Variants in MYO3B observed in about 807,000 individuals in gnomAD.
MYO3B encodes myosin-IIIb.
Under a neutral mutation model 174.6 loss-of-function variants are expected in MYO3B, and 156 were observed. That is an observed-to-expected ratio of 0.89 (90% CI 0.78 to 1.02). The LOEUF (loss-of-function observed/expected upper bound fraction) is 1.02. MYO3B is among the 50% of genes least tolerant of loss of function. The probability of loss-of-function intolerance (pLI) is 0.00; values close to 1 mark genes in which losing one functional copy is unlikely to be tolerated. For missense variants in MYO3B, 1,632 were observed against 1,639.4 expected, an observed-to-expected ratio of 1.00 and a Z score of 0.08; for synonymous variants, 563 against 569.1, an observed-to-expected ratio of 0.99 and a Z score of 0.15.
At chr2:170,587,416 C>T (rs1409763491) in intron 32 of MYO3B, among the ~76,000 whole-genome samples, 1 of 152,146 alleles carries the variant, frequency 6.6e-6, no homozygotes. Context: ...TAAGAGGCCA[C>T]ATTGAGTGAC....
At chr2:170,531,151 A>G (rs945712763) in intron 30 of MYO3B, among the ~76,000 whole-genome samples, 1 of 152,216 alleles carries the variant, frequency 6.6e-6, no homozygotes, top group Non-Finnish European at 1.5e-5. Flanking sequence ...TCAGGCAGGT[A>G]GGATGGTTTC....
At chr2:170,566,178 A>G (rs779450967) in intron 32 of MYO3B, among the ~76,000 whole-genome samples, 1 of 152,230 alleles carries the variant, frequency 6.6e-6, no homozygotes, top group Non-Finnish European at 1.5e-5. Flanking sequence ...AGTAATTCCC[A>G]ACAGATTGTA....
intron 32 of MYO3B, among the ~76,000 whole-genome samples, chr2:170,629,029 G>T (rs139999484): frequency 6.6e-6 from 1 of 152,162 alleles, no homozygotes; most frequent in Non-Finnish European, 1.5e-5. Flanking sequence ...ACCGAAGAAC[G>T]TTAAGGACAG....
intron 25 of MYO3B, among the ~76,000 whole-genome samples, chr2:170,489,770 T>G: frequency 6.6e-6 from 1 of 151,830 alleles, no homozygotes; most frequent in East Asian, 1.9e-4. Context: ...ACTTCAATCT[T>G]TTAAGGCCTT....
chr2:170,374,489 T>C (rs1274092870), intron 9 of MYO3B, among the ~76,000 whole-genome samples: 1 of 152,124 alleles, frequency 6.6e-6, no homozygotes, highest in Non-Finnish European at 1.5e-5. Context: ...AAAGAAATGT[T>C]TTTTAAGTGT....
chr2:170,230,365 T>TTTTTTTTTTTTTTTTTTGGA (rs1559318980), intron 6 of MYO3B, among the ~76,000 whole-genome samples: 12 of 140,766 alleles, frequency 8.5e-5, no homozygotes, highest in African/African-American at 2.9e-4. Context: ...TTTTTTTTAG[T>TTTTTTTTTTTTTTTTTTGGA]AGAGACGGGG....
chr2:170,384,663 T>C (rs1342573944), intron 12 of MYO3B, among the ~76,000 whole-genome samples: 1 of 152,230 alleles, frequency 6.6e-6, no homozygotes, highest in East Asian at 1.9e-4. Context: ...TGTCCATAGA[T>C]TTCATAGGGA....
intron 32 of MYO3B, among the ~76,000 whole-genome samples, chr2:170,561,251 C>CT (rs1691693427): frequency 6.6e-6 from 1 of 152,188 alleles, no homozygotes; most frequent in South Asian, 2.1e-4. Context: ...CTCTCATCTA[C>CT]CACCCTGAGC....
intron 7 of MYO3B, among the ~76,000 whole-genome samples, chr2:170,252,173 C>T (rs1270013147): frequency 6.6e-6 from 1 of 152,218 alleles, no homozygotes; most frequent in East Asian, 1.9e-4. Flanking sequence ...CTGCTGGCTC[C>T]ACCCTTCACC....
chr2:170,574,108 G>A (rs1692637030), intron 32 of MYO3B, among the ~76,000 whole-genome samples: 1 of 152,116 alleles, frequency 6.6e-6, no homozygotes, highest in African/African-American at 2.4e-5. Context: ...GCACTTAATA[G>A]AATGTGCATA....
intron 8 of MYO3B, among the ~76,000 whole-genome samples, chr2:170,357,530 C>G (rs967752025): frequency 6.6e-6 from 1 of 151,744 alleles, no homozygotes; most frequent in Non-Finnish European, 1.5e-5. Flanking sequence ...GGGTATCTTT[C>G]TTCCCTTATT....
intron 8 of MYO3B, among the ~76,000 whole-genome samples, chr2:170,336,792 G>A (rs1224047333): frequency 6.6e-6 from 1 of 152,114 alleles, no homozygotes; most frequent in African/African-American, 2.4e-5. Flanking sequence ...GGGGGTTTGT[G>A]TAAACAGCTA....
At chr2:170,266,877 C>T (rs2093387856) in intron 7 of MYO3B, among the ~76,000 whole-genome samples, 1 of 152,194 alleles carries the variant, frequency 6.6e-6, no homozygotes, top group Non-Finnish European at 1.5e-5. Context: ...ACCAAACTTG[C>T]AGTTTTCCAG....
At chr2:170,602,536 G>A (rs1450792898) in intron 32 of MYO3B, among the ~76,000 whole-genome samples, 1 of 152,116 alleles carries the variant, frequency 6.6e-6, no homozygotes, top group African/African-American at 2.4e-5. Flanking sequence ...GTGTGCTAGG[G>A]CAGGAAAAAA....
intron 8 of MYO3B, among the ~76,000 whole-genome samples, chr2:170,366,546 G>T (rs1010478433): frequency 6.6e-6 from 1 of 152,040 alleles, no homozygotes; most frequent in Non-Finnish European, 1.5e-5. Context: ...CTCCTATCTG[G>T]GCTCCCAAAG....
intron 29 of MYO3B, among the ~76,000 whole-genome samples, chr2:170,517,177 A>G (rs923489776): frequency 2.6e-5 from 4 of 152,254 alleles, no homozygotes; most frequent in African/African-American, 7.2e-5. Flanking sequence ...GGAGGAGCAG[A>G]TTCCTTCTAA....
chr2:170,569,862 A>G (rs920804510), intron 32 of MYO3B, among the ~76,000 whole-genome samples: 31 of 106,156 alleles, frequency 2.9e-4, no homozygotes, highest in East Asian at 2.6e-3. Context: ...CTCTATCTCG[A>G]AAAAAAAAAA....
At position 170,206,959 on chromosome 2, in the gene MYO3B, C is replaced by T. The variant is rs904693204; in HGVS notation, c.321+6675C>T. ...TAAACTCTAACCTTATCCCTGTCCC[C>T]AAATAGAGCATGAAGTTCTGAGTGT... On this transcript the variant is annotated intron_variant, in intron 3 of 34. Coordinates refer to ENST00000408978, the MANE Select transcript of MYO3B (RefSeq NM_138995.5). The surrounding 1 kb of genome is among the most constrained non-coding windows in gnomAD (Gnocchi z 4.3). Among the ~76,000 whole-genome samples, 1 of 152,106 alleles carries T rather than the reference C, an allele frequency of 6.6e-6. No individual in the cohort carries two copies. Among genetic ancestry groups the T allele is most frequent in the Non-Finnish European group, 1.5e-5 (1 of 68,018 alleles).
At chr2:170,457,619 G>A (rs1440309995) in intron 23 of MYO3B, among the ~76,000 whole-genome samples, 2 of 152,088 alleles carry the variant, frequency 1.3e-5, no homozygotes, top group Non-Finnish European at 2.9e-5. Flanking sequence ...GGTCTAACAC[G>A]CATAGTGTCA....
Sources: gnomAD v4.1 joint callset for allele counts (sites outside exome capture counted in the v4.1 genomes callset) on GRCh38, gnomAD v4.1.1 for gene constraint, Gnocchi (gnomAD v3.1) non-coding constraint, MANE v1.5 for transcripts, NCBI Gene and HGNC (gene_info 2026-07-23, HGNC 2026-07-21) for gene names.